The following USH2A variants were observed in gnomAD, a reference collection of about 807,000 sequenced individuals.
USH2A encodes the protein Usher syndrome 2A (autosomal recessive, mild).
USH2A carries 443 observed loss-of-function variants against 538.9 expected under a neutral mutation model. The ratio of observed to expected loss-of-function variants is 0.82; its 90% CI spans 0.76 to 0.89. USH2A has a LOEUF of 0.89. Among genes scored for constraint, USH2A ranks in the 40% least tolerant of loss-of-function variants. The pLI, the probability that USH2A is intolerant of heterozygous loss-of-function variation, is 0.00. For missense variants in USH2A, 6,633 were observed against 6,324.8 expected (o/e 1.05, Z -1.65); for synonymous variants, 2,413 against 2,273.5 (o/e 1.06, Z -1.75).
intron 61 of USH2A, among the ~76,000 whole-genome samples, chr1:215,693,152 A>AT (rs34085776): frequency 0.014 from 2,045 of 144,834 alleles, 55 homozygotes; most frequent in African/African-American, 0.049. Context: ...ACACATATGT[A>AT]TTTTTTTTTG....
intron 30 of USH2A, among the ~76,000 whole-genome samples, chr1:216,064,613 A>G (rs1188744058): frequency 2.0e-5 from 3 of 152,210 alleles, no homozygotes; most frequent in Non-Finnish European, 4.4e-5. Context: ...TTGGTCAACA[A>G]CAGACAACAT....
At chr1:215,894,851 T>C (rs1665288802) in intron 40 of USH2A, among the ~76,000 whole-genome samples, 1 of 152,190 alleles carries the variant, frequency 6.6e-6, no homozygotes, top group Non-Finnish European at 1.5e-5. Context: ...AGTGCTCTCT[T>C]ACAGCAATTG....
At chr1:216,329,935 G>A (rs528989448) in intron 4 of USH2A, among the ~76,000 whole-genome samples, 54 of 152,148 alleles carry the variant, frequency 3.5e-4, no homozygotes, top group African/African-American at 1.3e-3. Flanking sequence ...TATCCAATTT[G>A]CTTTCTCAGG....
intron 3 of USH2A, among the ~76,000 whole-genome samples, chr1:216,413,670 T>G (rs938406208): frequency 2.0e-5 from 3 of 152,122 alleles, no homozygotes; most frequent in African/African-American, 7.2e-5. Flanking sequence ...ACTGCTCTTT[T>G]TCACACTATT....
intron 38 of USH2A, among the ~76,000 whole-genome samples, chr1:215,932,161 T>A (rs1666380730): frequency 6.6e-6 from 1 of 151,988 alleles, no homozygotes. Context: ...AACATCACCA[T>A]AAGAGAGATC....
chr1:216,156,624 A>G (rs558074261), intron 21 of USH2A, among the ~76,000 whole-genome samples: 1 of 152,148 alleles, frequency 6.6e-6, no homozygotes, highest in South Asian at 2.1e-4. Flanking sequence ...TACCCCATCT[A>G]CTGATTTCTG....
At chr1:216,166,322 C>T (rs2034169064) in intron 21 of USH2A, among the ~76,000 whole-genome samples, 1 of 152,000 alleles carries the variant, frequency 6.6e-6, no homozygotes, top group Non-Finnish European at 1.5e-5. Flanking sequence ...TATTCAAGCA[C>T]TGGGACTAAA....
chr1:215,880,967 G>A (rs186462231), intron 41 of USH2A, among the ~76,000 whole-genome samples: 14 of 152,254 alleles, frequency 9.2e-5, no homozygotes, highest in Admixed American at 4.6e-4. Flanking sequence ...TCACCTGGGT[G>A]TGGTAGCAGG....
At chr1:216,103,260 A>C (rs752131656) in intron 21 of USH2A, among the ~76,000 whole-genome samples, 1 of 152,244 alleles carries the variant, frequency 6.6e-6, no homozygotes, top group Non-Finnish European at 1.5e-5. Flanking sequence ...TATCCGGGTT[A>C]TAAAAATGGG....
intron 24 of USH2A, among the ~76,000 whole-genome samples, chr1:216,085,796 CCT>C (rs895323880): frequency 6.6e-5 from 10 of 150,604 alleles, no homozygotes; most frequent in Non-Finnish European, 1.3e-4. Flanking sequence ...GAATGAAAAC[CCT>C]CTCTAATCTA....
intron 21 of USH2A, among the ~76,000 whole-genome samples, chr1:216,097,459 C>G (rs577075611): frequency 6.6e-6 from 1 of 152,032 alleles, no homozygotes; most frequent in Non-Finnish European, 1.5e-5. Flanking sequence ...TAAATTTATG[C>G]AAAACTCATC....
At chr1:215,836,001 A>G (rs775341906) in intron 47 of USH2A, among the ~76,000 whole-genome samples, 7 of 152,062 alleles carry the variant, frequency 4.6e-5, no homozygotes, top group Non-Finnish European at 8.8e-5. Context: ...GTCCTCTGTT[A>G]TTATGTGCAA....
Position 216,053,684 on chromosome 1 carries a change from G to A in USH2A, c.6050-5037C>T, listed in dbSNP as rs144602561. Among the ~76,000 whole-genome samples, 568 of 152,242 alleles carry A rather than the reference G, an allele frequency of 3.7e-3. 17 individuals carry two copies. Among genetic ancestry groups the A allele is most frequent in the Admixed American group, 0.034 (518 of 15,300 alleles). On this transcript the variant is annotated intron_variant, in intron 30 of 71. Coordinates refer to ENST00000307340, the MANE Select transcript of USH2A (RefSeq NM_206933.4). ...AGTGTTAGTATCCCATGAAACACAG[G>A]AGCGTGGGTATCCGGATTAAAATCA...
chr1:215,977,223 T>C lies in USH2A; in HGVS notation c.6806-6447A>G, dbSNP rs573532212. 7.2e-5 allele frequency among the ~76,000 whole-genome samples: 11 copies of C among 152,188 alleles called. No homozygotes were observed. The South Asian group carries it at 1.2e-3, about 17-fold the overall frequency. ...AAAATTGAATCAGTAATAAAAAAAA[T>C]CTTTGCTAGCTTCGAGTTTAGTTTG... On this transcript the variant is annotated intron_variant, in intron 35 of 71. Transcript: ENST00000307340.
At chr1:216,055,779 A>G (rs2030955506) in intron 30 of USH2A, among the ~76,000 whole-genome samples, 1 of 152,250 alleles carries the variant, frequency 6.6e-6, no homozygotes, top group Non-Finnish European at 1.5e-5. Context: ...ACAAAGGGAA[A>G]GTCAATTTGC....
intron 32 of USH2A, among the ~76,000 whole-genome samples, chr1:216,010,631 A>T (rs1250184816): frequency 6.6e-6 from 1 of 151,754 alleles, no homozygotes; most frequent in South Asian, 2.1e-4. Flanking sequence ...CCTTGCCTCC[A>T]TAACTGTTGC....
chr1:216,282,627 T>C (rs987553413), intron 11 of USH2A, among the ~76,000 whole-genome samples: 1 of 152,200 alleles, frequency 6.6e-6, no homozygotes, highest in African/African-American at 2.4e-5. Context: ...CTGTCTTGAT[T>C]ATAGTAAATT....
At chr1:216,297,978 G>T (rs1255707955) in intron 9 of USH2A, among the ~76,000 whole-genome samples, 4 of 152,124 alleles carry the variant, frequency 2.6e-5, no homozygotes, top group Non-Finnish European at 5.9e-5. Flanking sequence ...GTCTTCCCCA[G>T]TTCAATTAGC....
chr1:216,143,612 G>T (rs1224195487), intron 21 of USH2A, among the ~76,000 whole-genome samples: 1 of 151,982 alleles, frequency 6.6e-6, no homozygotes, highest in Non-Finnish European at 1.5e-5. Context: ...GTTTTCAAAA[G>T]CACATAATTA....
Sources: gnomAD v4.1 joint callset for allele counts (sites outside exome capture counted in the v4.1 genomes callset) on GRCh38, gnomAD v4.1.1 for gene constraint, MANE v1.5 for transcripts, NCBI Gene and HGNC (gene_info 2026-07-23, HGNC 2026-07-21) for gene names.